Variants in TMEM26 observed in about 807,000 individuals in gnomAD.
The protein encoded by TMEM26 is transmembrane protein 26.
In TMEM26, 38 loss-of-function variants were observed where a neutral mutation model predicts 28.8. The observed-to-expected ratio is 1.32, with a 90% CI of 1.02 to 1.73. The LOEUF is 1.73. TMEM26 is among the 40% of genes most tolerant of loss of function. TMEM26 has a pLI of 0.00. For missense variants in TMEM26, 518 were observed against 447.1 expected, an observed-to-expected ratio of 1.16 and a Z score of -1.43; for synonymous variants, 227 against 182.9, an observed-to-expected ratio of 1.24 and a Z score of -1.95.
chr10:61,450,432 T>C (rs1840257315), intron 1 of TMEM26, among the ~76,000 whole-genome samples: 1 of 152,202 alleles, frequency 6.6e-6, no homozygotes, highest in Non-Finnish European at 1.5e-5. Context: ...GATAATTTCC[T>C]ACATGTTTTA....
chr10:61,431,039 T>A (rs531394662), intron 3 of TMEM26, among the ~76,000 whole-genome samples, 180 bp downstream of exon 3: 1 of 151,978 alleles, frequency 6.6e-6, no homozygotes, highest in East Asian at 1.9e-4. Context: ...ATGTATATAC[T>A]TATGCATATT....
At position 61,417,305 on chromosome 10, in the gene TMEM26, T is replaced by A. The variant is rs371325648; in HGVS notation, c.606-3770A>T. ...GTATCACTTTTCTATTTGAAAAAAATTGTAAGATAAAAGACTGGCATTTGG... is the reference window on the plus strand; with the variant it reads ...GTATCACTTTTCTATTTGAAAAAAAATGTAAGATAAAAGACTGGCATTTGG... On this transcript the variant is annotated intron_variant, in intron 4 of 5. Transcript: ENST00000399298. Among the ~76,000 whole-genome samples, 118 of 152,054 alleles carry A rather than the reference T, an allele frequency of 7.8e-4. 1 individual carries two copies. Among genetic ancestry groups the A allele is most frequent in the Non-Finnish European group, 8.5e-4 (58 of 67,900 alleles).
chr10:61,423,008 A>G (rs1450581293), intron 4 of TMEM26, among the ~76,000 whole-genome samples: 1 of 152,134 alleles, frequency 6.6e-6, no homozygotes, highest in East Asian at 1.9e-4. Context: ...TCAAGAATGA[A>G]AAAGGAGGGT....
intron 5 of TMEM26, chr10:61,412,752 T>C (rs542728456): frequency 3.1e-5 from 8 of 258,304 alleles, no homozygotes; most frequent in African/African-American, 9.1e-5. Flanking sequence ...GACTGAGGAG[T>C]TGGAATTTTA....
chr10:61,435,154 A>T (rs899871150), intron 2 of TMEM26, among the ~76,000 whole-genome samples: 2 of 152,132 alleles, frequency 1.3e-5, no homozygotes, highest in Non-Finnish European at 2.9e-5. Flanking sequence ...TGTATTAAAA[A>T]TTTCTGTAAT....
chr10:61,446,916 C>A (rs1027067836), intron 1 of TMEM26, among the ~76,000 whole-genome samples: 1 of 130,150 alleles, frequency 7.7e-6, no homozygotes, highest in Non-Finnish European at 1.6e-5. Context: ...AGTGAACATA[C>A]ATGTTGGAAA....
intron 4 of TMEM26, chr10:61,416,102 A>C (rs1020575910): frequency 2.2e-6 from 1 of 450,990 alleles, no homozygotes; most frequent in African/African-American, 2.0e-5. Flanking sequence ...GTCTTCTATT[A>C]GTGGAATTTT....
At chr10:61,412,656 T>TC (rs1184370084) in intron 5 of TMEM26, among the ~76,000 whole-genome samples, 5 of 152,158 alleles carry the variant, frequency 3.3e-5, no homozygotes, top group Non-Finnish European at 5.9e-5. Flanking sequence ...AACTGAACTT[T>TC]CTGTGATGAT....
At chr10:61,446,301 A>G (rs1237036137) in intron 1 of TMEM26, among the ~76,000 whole-genome samples, 2 of 152,172 alleles carry the variant, frequency 1.3e-5, no homozygotes, top group Non-Finnish European at 2.9e-5. Context: ...GTGCTTCCCA[A>G]AATGATGCAC....
At position 61,436,212 on chromosome 10, in the gene TMEM26, G is replaced by C. The variant is rs780579812; in HGVS notation, c.228C>G (p.Ile76Met). Residue 76 changes from isoleucine (I) to methionine (M), a missense_variant, in exon 2 of 6, where the codon ATC (isoleucine) becomes ATG (methionine). Physicochemically the swap from Ile to Met is conservative, Grantham distance 10 (BLOSUM62 1). Transcript: ENST00000399298. The part of the protein sequence containing the change: ...SPAIFLYLIS[I>M]VPSLWLLELH... ...ATTCAAGAAGCCATAATGATGGAAC[G>C]ATGCTAATCAGATATAAAAATATGG... 3.1e-6 allele frequency: 5 copies of C among 1,607,482 alleles called. No individual in the cohort carries two copies. The highest frequency in any genetic ancestry group is 4.2e-6 in the Non-Finnish European group (5 of 1,176,914).
At position 61,420,723 on chromosome 10, in the gene TMEM26, T is replaced by TA. The variant is rs200958809; in HGVS notation, c.606-7189dup. Among the ~76,000 whole-genome samples the TA allele has an allele frequency of 7.0e-3, 996 of 142,322 alleles. 3 individuals are homozygous for TA. The highest frequency in any genetic ancestry group is 0.016 in the African/African-American group (642 of 39,136). 93.4% of individuals were successfully genotyped at this position (142,322 alleles called of 152,430 possible). ...AGGCAAAATAAGAACATTTCCAGAT[T>TA]AAAAAAAAAAAAAACTTGGAGTATT... On this transcript the variant is annotated intron_variant, in intron 4 of 5. Coordinates refer to ENST00000399298, the MANE Select transcript of TMEM26 (RefSeq NM_178505.8).
chr10:61,423,668 G>A (rs979005674), intron 4 of TMEM26, among the ~76,000 whole-genome samples: 1 of 152,134 alleles, frequency 6.6e-6, no homozygotes, highest in African/African-American at 2.4e-5. Flanking sequence ...AGTCCAGGAG[G>A]TCAGTGCAAT....
At chr10:61,421,529 C>A (rs1321956927) in intron 4 of TMEM26, among the ~76,000 whole-genome samples, 5 of 151,908 alleles carry the variant, frequency 3.3e-5, no homozygotes, top group African/African-American at 9.7e-5. Context: ...TAGGGTGGGC[C>A]CTAATCCAAT....
intron 1 of TMEM26, among the ~76,000 whole-genome samples, chr10:61,452,367 G>A (rs1190850312): frequency 6.6e-6 from 1 of 152,238 alleles, no homozygotes; most frequent in Middle Eastern, 3.2e-3. Flanking sequence ...CGCGGCTGGA[G>A]GGAAGGGAAG....
intron 5 of TMEM26, chr10:61,412,882 C>T (rs757969991): frequency 8.1e-7 from 1 of 1,237,302 alleles, no homozygotes. Context: ...CAGATTACTT[C>T]TTGCAAAATC....
At chr10:61,448,619 G>GTTTTTTTTTTTTTTT (rs199499296) in intron 1 of TMEM26, among the ~76,000 whole-genome samples, 3 of 126,604 alleles carry the variant, frequency 2.4e-5, no homozygotes, top group Non-Finnish European at 5.2e-5. Context: ...CTGTTTTTTT[G>GTTTTTTTTTTTTTTT]TTTTTTTTTT....
intron 1 of TMEM26, among the ~76,000 whole-genome samples, chr10:61,446,549 G>A (rs1020257799): frequency 6.6e-6 from 1 of 151,914 alleles, no homozygotes; most frequent in East Asian, 1.9e-4. Context: ...GGCCAGGCGC[G>A]ATGGCTCACG....
At chr10:61,430,578 A>G (rs531347420) in intron 3 of TMEM26, among the ~76,000 whole-genome samples, 1 of 152,050 alleles carries the variant, frequency 6.6e-6, no homozygotes, top group African/African-American at 2.4e-5. Flanking sequence ...TGACAAAAAA[A>G]AAAAAAACCT....
At position 61,443,358 on chromosome 10, in the gene TMEM26, G is replaced by A. The variant is rs149292413; in HGVS notation, c.192-7110C>T. Among the ~76,000 whole-genome samples the A allele has an allele frequency of 8.5e-3, 1,296 of 151,858 alleles. 12 individuals carry two copies. The highest frequency in any genetic ancestry group is 0.025 in the African/African-American group (1,047 of 41,418). The stretch of plus-strand genomic sequence containing the variant: ...CGTGCGCCTGTAGTCCCAGCTACTC[G>A]GGAGGCTGAGGCAGGAGAATGGTGT... On this transcript the variant is annotated intron_variant, in intron 1 of 5. Coordinates refer to ENST00000399298, the MANE Select transcript of TMEM26 (RefSeq NM_178505.8).
Sources: allele counts gnomAD v4.1 joint callset (sites outside exome capture counted in the v4.1 genomes callset), GRCh38; gene constraint gnomAD v4.1.1; transcripts MANE v1.5; gene names NCBI Gene and HGNC (gene_info 2026-07-23, HGNC 2026-07-21).